Variants in CDH12 observed in about 807,000 individuals in gnomAD.
CDH12 encodes cadherin 12, also known as cadherin-12.
Under a neutral mutation model 74.1 loss-of-function variants are expected in CDH12, and 41 were observed. The observed-to-expected ratio is 0.55, with a 90% CI of 0.43 to 0.72. The LOEUF (loss-of-function observed/expected upper bound fraction) is 0.72. CDH12 is among the 30% of genes least tolerant of loss of function. The pLI, the probability that CDH12 is intolerant of heterozygous loss-of-function variation, is 0.00. For missense variants in CDH12, 945 were observed against 977.2 expected, an observed-to-expected ratio of 0.97 and a Z score of 0.44; for synonymous variants, 399 against 355.0, an observed-to-expected ratio of 1.12 and a Z score of -1.39.
intron 1 of CDH12, among the ~76,000 whole-genome samples, chr5:22,682,988 T>C (rs1741575788): frequency 6.6e-6 from 1 of 152,086 alleles, no homozygotes. Context: ...CACATTGGCT[T>C]CTCTATTTTT....
At chr5:22,698,075 A>C (rs569691057) in intron 1 of CDH12, among the ~76,000 whole-genome samples, 5 of 149,360 alleles carry the variant, frequency 3.3e-5, no homozygotes, top group African/African-American at 4.9e-5. Flanking sequence ...TATTTTAGAG[A>C]CTATTCAGAT....
At chr5:22,835,856 G>A (rs1736794758) in intron 1 of CDH12, among the ~76,000 whole-genome samples, 1 of 152,150 alleles carries the variant, frequency 6.6e-6, no homozygotes, top group Non-Finnish European at 1.5e-5. Context: ...AGGAGGACTG[G>A]ACAATAAAGA....
intron 5 of CDH12, among the ~76,000 whole-genome samples, chr5:21,988,644 T>C (rs1316153268): frequency 6.6e-6 from 1 of 150,828 alleles, no homozygotes; most frequent in African/African-American, 2.4e-5. Flanking sequence ...AAACAGAAAA[T>C]TGGAAGTAGA....
At chr5:22,436,534 A>C (rs1222777304) in intron 2 of CDH12, among the ~76,000 whole-genome samples, 1 of 151,790 alleles carries the variant, frequency 6.6e-6, no homozygotes, top group African/African-American at 2.4e-5. Context: ...AGTAATAATA[A>C]AACTCCAGTT....
chr5:22,475,222 G>A (rs1746119500), intron 2 of CDH12, among the ~76,000 whole-genome samples: 1 of 151,596 alleles, frequency 6.6e-6, no homozygotes, highest in Non-Finnish European at 1.5e-5. Flanking sequence ...TTCTAGTTGG[G>A]TGAAATGATC....
At chr5:22,012,444 T>C (rs529954853) in intron 5 of CDH12, among the ~76,000 whole-genome samples, 22 of 152,246 alleles carry the variant, frequency 1.4e-4, no homozygotes, top group Middle Eastern at 3.4e-3. Context: ...AAGTGCATCA[T>C]TGTCGCTTCT....
intron 3 of CDH12, among the ~76,000 whole-genome samples, chr5:22,220,951 C>T (rs1172081973): frequency 1.3e-5 from 2 of 151,618 alleles, no homozygotes; most frequent in African/African-American, 4.8e-5. Context: ...AGGTCATCTA[C>T]TGTGTAGAGT....
chr5:21,829,539 G>C (rs917107117), intron 8 of CDH12, among the ~76,000 whole-genome samples: 2 of 151,846 alleles, frequency 1.3e-5, no homozygotes, highest in Non-Finnish European at 2.9e-5. Context: ...TCATTTTCAT[G>C]GTTTTTAGTA....
intron 5 of CDH12, among the ~76,000 whole-genome samples, chr5:22,073,481 A>G (rs1327107612): frequency 6.6e-6 from 1 of 152,178 alleles, no homozygotes; most frequent in Non-Finnish European, 1.5e-5. Flanking sequence ...GCACATGTAT[A>G]TGTATGTCTG....
rs142670435 is a variant in CDH12, at chr5:22,755,793, T to G, written c.-523+97265A>C. 2.0e-4 allele frequency among the ~76,000 whole-genome samples: 31 copies of G among 152,132 alleles called. No homozygotes were observed. In the East Asian group the frequency reaches 4.3e-3, roughly 21 times the overall value. ...TTTTTATCTTTTCTTGGGTATATAC[T>G]CATTCACATATAGGCTGCAAACAAT... On this transcript the variant is annotated intron_variant, in intron 1 of 14. Coordinates refer to ENST00000382254, the MANE Select transcript of CDH12 (RefSeq NM_004061.5).
rs77688229 is a variant in CDH12 at position 22,556,465 on chromosome 5, A to G, written c.-522-51101T>C. Among the ~76,000 whole-genome samples the G allele has an allele frequency of 6.6e-3, 1,001 of 152,220 alleles. 10 individuals are homozygous for G. Among genetic ancestry groups the G allele is most frequent in the African/African-American group, 0.022 (922 of 41,578 alleles). ...GAAAATATTTTCTCAAGAACCAGCC[A>G]TGAGTCTCCTCAACATGCATTGTAT... On this transcript the variant is annotated intron_variant, in intron 1 of 14. Coordinates refer to ENST00000382254, the MANE Select transcript of CDH12 (RefSeq NM_004061.5).
chr5:22,378,627 G>A (rs1445028489), intron 3 of CDH12, among the ~76,000 whole-genome samples: 1 of 151,934 alleles, frequency 6.6e-6, no homozygotes, highest in East Asian at 1.9e-4. Context: ...GTTTATACTT[G>A]AACATTTATT....
intron 3 of CDH12, among the ~76,000 whole-genome samples, chr5:22,401,984 T>C (rs564925662): frequency 6.6e-6 from 1 of 152,194 alleles, no homozygotes; most frequent in Non-Finnish European, 1.5e-5. Context: ...AGGGAACCAG[T>C]CCGGCTAACA....
chr5:22,181,612 T>C (rs73742059), intron 4 of CDH12, among the ~76,000 whole-genome samples: 6,230 of 152,268 alleles, frequency 0.041, 427 homozygotes, highest in African/African-American at 0.14. Flanking sequence ...TTTATTCACA[T>C]GCACTTAACA....
intron 3 of CDH12, among the ~76,000 whole-genome samples, chr5:22,298,824 T>A (rs896281612): frequency 6.6e-6 from 1 of 152,282 alleles, no homozygotes; most frequent in East Asian, 1.9e-4. Context: ...CTCTAATAGA[T>A]CAATGCACAC....
At chr5:22,452,098 T>C (rs931946324) in intron 2 of CDH12, among the ~76,000 whole-genome samples, 5 of 151,860 alleles carry the variant, frequency 3.3e-5, no homozygotes, top group East Asian at 1.9e-4. Context: ...GAAAATATCT[T>C]CCAAGTTTAT....
chr5:22,678,051 G>GGGT (rs1741303038), intron 1 of CDH12, among the ~76,000 whole-genome samples: 5 of 151,354 alleles, frequency 3.3e-5, no homozygotes, highest in Admixed American at 2.6e-4. Flanking sequence ...TCATGGGGGG[G>GGGT]GGGGTTAGGA....
chr5:21,969,383 G>A (rs543207774), intron 6 of CDH12, among the ~76,000 whole-genome samples: 44 of 152,090 alleles, frequency 2.9e-4, no homozygotes, highest in Non-Finnish European at 5.4e-4. Context: ...TCTTGTATTC[G>A]CGTTGCACTT....
intron 1 of CDH12, among the ~76,000 whole-genome samples, chr5:22,744,047 T>C (rs900095011): frequency 6.6e-5 from 10 of 152,142 alleles, no homozygotes; most frequent in Non-Finnish European, 1.2e-4. Context: ...AAGTTGCCAT[T>C]CCAGAACATG....
Sources: gnomAD v4.1 joint callset for allele counts (sites outside exome capture counted in the v4.1 genomes callset) on GRCh38, gnomAD v4.1.1 for gene constraint, MANE v1.5 for transcripts, NCBI Gene and HGNC (gene_info 2026-07-23, HGNC 2026-07-21) for gene names.